IQCM: variants seen among roughly 807,000 people sequenced by gnomAD.
The protein encoded by IQCM is IQ motif containing M.
IQCM carries 45 observed loss-of-function variants against 57.6 expected under a neutral mutation model. That is an observed-to-expected ratio of 0.78 (90% confidence interval 0.62 to 1.00). The LOEUF (loss-of-function observed/expected upper bound fraction) is 1.00. IQCM is among the 50% of genes least tolerant of loss of function. IQCM has a pLI of 0.00. For synonymous variants in IQCM, 148 were observed against 158.9 expected (o/e 0.93, Z 0.51); for missense variants, 468 against 511.6 (o/e 0.91, Z 0.82).
intron 2 of IQCM, among the ~76,000 whole-genome samples, chr4:149,796,577 C>G (rs1174391681): frequency 6.6e-6 from 1 of 152,116 alleles, no homozygotes; most frequent in Non-Finnish European, 1.5e-5. Context: ...TAGGCAGTAG[C>G]TAGGGAGTGA....
At chr4:149,676,469 T>A (rs1761759279) in intron 7 of IQCM, among the ~76,000 whole-genome samples, 1 of 152,082 alleles carries the variant, frequency 6.6e-6, no homozygotes, top group African/African-American at 2.4e-5. Context: ...TCAATTTTAT[T>A]AAGCACCAGG....
At position 149,686,429 on chromosome 4, in the gene IQCM, G is replaced by A; in HGVS notation, c.425C>T (p.Pro142Leu). The change falls in exon 6 of 14, where the codon CCA becomes CTA. Residue 142 changes from proline to leucine, a missense_variant. By Grantham distance (98) the Pro-to-Leu change is moderately conservative. Coordinates refer to ENST00000636793, the MANE Select transcript of IQCM (RefSeq NM_001363507.2). ...TGCTGTCTCCATTTTTTTACTCACT[G>A]GTTCAATAATAGTCATGATTTTATC... ...KLDKIMTIIE[P>L]VSKKMETAKQ... 2 of 1,227,608 alleles carry A rather than the reference G, an allele frequency of 1.6e-6. No homozygotes were observed. Among genetic ancestry groups the A allele is most frequent in the South Asian group, 4.1e-5 (1 of 24,256 alleles). The allele number at this position is 1,227,608 out of a possible 1,614,324, so 76.0% of individuals were successfully genotyped here.
chr4:149,390,411 C>T (rs1415792296), intron 13 of IQCM, among the ~76,000 whole-genome samples: 1 of 150,398 alleles, frequency 6.6e-6, no homozygotes, highest in African/African-American at 2.4e-5. Context: ...ATCTGGATAT[C>T]TAGATGCTTT....
chr4:149,604,498 A>T (rs1019829335), intron 8 of IQCM, among the ~76,000 whole-genome samples: 1 of 151,948 alleles, frequency 6.6e-6, no homozygotes, highest in East Asian at 1.9e-4. Context: ...CTGATCATTT[A>T]AAAAAAATAC....
intron 12 of IQCM, among the ~76,000 whole-genome samples, chr4:149,505,730 G>T (rs895481303): frequency 1.3e-5 from 2 of 151,990 alleles, no homozygotes; most frequent in Admixed American, 1.3e-4. Flanking sequence ...GAATGCGTTT[G>T]TTTTCCTTTT....
chr4:149,356,780 A>G (rs931919514), intron 13 of IQCM, among the ~76,000 whole-genome samples: 1 of 152,192 alleles, frequency 6.6e-6, no homozygotes, highest in African/African-American at 2.4e-5. Context: ...AATTCTGTGA[A>G]GAAAGTCATT....
At chr4:149,457,286 C>T (rs1737803295) in intron 12 of IQCM, among the ~76,000 whole-genome samples, 1 of 152,054 alleles carries the variant, frequency 6.6e-6, no homozygotes, top group Admixed American at 6.6e-5. Context: ...AACAGATGTA[C>T]ACAGGCCCTG....
At chr4:149,781,849 T>A (rs1158102070) in intron 2 of IQCM, among the ~76,000 whole-genome samples, 1 of 152,090 alleles carries the variant, frequency 6.6e-6, no homozygotes, top group Non-Finnish European at 1.5e-5. Flanking sequence ...GAAAAGGTCA[T>A]GAAAAACCTC....
intron 9 of IQCM, among the ~76,000 whole-genome samples, chr4:149,574,915 C>T (rs1257468590): frequency 6.6e-6 from 1 of 151,884 alleles, no homozygotes; most frequent in Non-Finnish European, 1.5e-5. Context: ...ATCAGGTTGC[C>T]AAGTTCAGAA....
At chr4:149,486,997 C>CAGAA (rs141967473) in intron 12 of IQCM, among the ~76,000 whole-genome samples, 32,839 of 151,866 alleles carry the variant, frequency 0.22, 4,416 homozygotes, top group Non-Finnish European at 0.29. Flanking sequence ...TTTTCTCAAA[C>CAGAA]AGAAAGAGTC....
chr4:149,413,928 ACTCT>A (rs144744331), intron 13 of IQCM, among the ~76,000 whole-genome samples: 2,530 of 152,182 alleles, frequency 0.017, 62 homozygotes, highest in African/African-American at 0.057. Flanking sequence ...ATTGCTATCA[ACTCT>A]CTTCTTCTGT....
intron 13 of IQCM, among the ~76,000 whole-genome samples, chr4:149,432,308 G>T (rs1195411675): frequency 6.6e-6 from 1 of 151,856 alleles, no homozygotes; most frequent in East Asian, 1.9e-4. Context: ...GATGACTAAT[G>T]ATGTTGATCA....
chr4:149,409,489 T>C (rs1249340801), intron 13 of IQCM, among the ~76,000 whole-genome samples: 3 of 152,252 alleles, frequency 2.0e-5, no homozygotes, highest in Non-Finnish European at 4.4e-5. Flanking sequence ...TTCTATTTTG[T>C]GAACGCCCAA....
intron 12 of IQCM, chr4:149,514,505 G>A (rs896821098): frequency 2.6e-5 from 4 of 152,140 alleles, no homozygotes; most frequent in Non-Finnish European, 4.4e-5. Context: ...AGAGGCATAG[G>A]ATGAAAAGCA....
In IQCM at chr4:149,566,639, C is replaced by T. The variant is rs548265087; in HGVS notation, c.750-2749G>A. 1.3e-4 allele frequency among the ~76,000 whole-genome samples: 19 copies of T among 151,894 alleles called. 1 individual carries two copies. In the South Asian group the frequency reaches 2.5e-3, roughly 20 times the overall value. On this transcript the variant is annotated intron_variant, in intron 9 of 13. Coordinates refer to ENST00000636793, the MANE Select transcript of IQCM (RefSeq NM_001363507.2). The stretch of plus-strand genomic sequence containing the variant: ...AATATGAGTGATCAGAACTATATTA[C>T]GTAAAAAATAAGAAGAAATACAAGC...
intron 2 of IQCM, among the ~76,000 whole-genome samples, chr4:149,766,203 C>A (rs1394752482): frequency 1.3e-5 from 2 of 152,064 alleles, no homozygotes; most frequent in African/African-American, 4.8e-5. Context: ...CATCTACAGA[C>A]AAAATGGACT....
chr4:149,776,467 C>G (rs1253013474), intron 2 of IQCM, among the ~76,000 whole-genome samples: 1 of 152,182 alleles, frequency 6.6e-6, no homozygotes, highest in Non-Finnish European at 1.5e-5. Context: ...TAACACATTG[C>G]TGCATCAATA....
intron 7 of IQCM, among the ~76,000 whole-genome samples, chr4:149,633,456 C>T (rs1441509264): frequency 6.6e-6 from 1 of 152,076 alleles, no homozygotes; most frequent in Non-Finnish European, 1.5e-5. Flanking sequence ...ATCTATAAAG[C>T]TCAGATAGCC....
intron 10 of IQCM, among the ~76,000 whole-genome samples, chr4:149,562,609 C>T: frequency 6.6e-6 from 1 of 152,116 alleles, no homozygotes; most frequent in Admixed American, 6.6e-5. Flanking sequence ...AGCTGTTTGA[C>T]TTTGGGCAAA....
Sources: allele counts gnomAD v4.1 joint callset (sites outside exome capture counted in the v4.1 genomes callset), GRCh38; gene constraint gnomAD v4.1.1; transcripts MANE v1.5; gene names NCBI Gene and HGNC (gene_info 2026-07-23, HGNC 2026-07-21).